Variants in DAPK2 observed in about 807,000 individuals in gnomAD.
DAPK2 encodes death-associated protein kinase 2.
In DAPK2, 35 loss-of-function variants were observed where a neutral mutation model predicts 44.1. The observed-to-expected ratio is 0.79, with a 90% CI of 0.61 to 1.05. The LOEUF (loss-of-function observed/expected upper bound fraction) is 1.05. Ranked by LOEUF, DAPK2 falls within the 50% of genes least tolerant of loss-of-function variation. The pLI is 0.00. For synonymous variants in DAPK2, 174 were observed against 182.6 expected (o/e 0.95, Z 0.38); for missense variants, 453 against 483.2 (o/e 0.94, Z 0.59).
chr15:64,006,066 A>C (rs1178733429), intron 1 of DAPK2, among the ~76,000 whole-genome samples: 1 of 149,890 alleles, frequency 6.7e-6, no homozygotes, highest in Non-Finnish European at 1.5e-5. Context: ...CCCACAAAAA[A>C]CCCTCTGCAA....
intron 3 of DAPK2, among the ~76,000 whole-genome samples, chr15:63,960,942 C>T (rs1246133794): frequency 4.6e-5 from 7 of 152,076 alleles, no homozygotes; most frequent in Admixed American, 2.6e-4. Context: ...ATGTTGACAG[C>T]GGGGTGTTAA....
intron 2 of DAPK2, among the ~76,000 whole-genome samples, chr15:63,977,887 C>T (rs2078397376): frequency 6.6e-6 from 1 of 152,216 alleles, no homozygotes; most frequent in Non-Finnish European, 1.5e-5. Context: ...CACCACAACC[C>T]TTCCACATTA....
chr15:64,007,927 C>G (rs899422005), intron 1 of DAPK2, among the ~76,000 whole-genome samples: 67 of 152,254 alleles, frequency 4.4e-4, no homozygotes, highest in African/African-American at 1.5e-3. Context: ...CACAAAGGAC[C>G]GCATGTTGTA....
chr15:64,005,165 G>T (rs1439046679), intron 1 of DAPK2, among the ~76,000 whole-genome samples: 1 of 152,032 alleles, frequency 6.6e-6, no homozygotes, highest in Non-Finnish European at 1.5e-5. Flanking sequence ...TCTTCTGAGT[G>T]AACCCAATAC....
intron 2 of DAPK2, among the ~76,000 whole-genome samples, chr15:63,982,476 C>T (rs1274143076): frequency 2.0e-5 from 3 of 150,508 alleles, no homozygotes; most frequent in African/African-American, 7.5e-5. Flanking sequence ...GCATGAGCCA[C>T]TGCACCAGGC....
intron 1 of DAPK2, among the ~76,000 whole-genome samples, chr15:64,026,958 T>C (rs560358618): frequency 2.6e-5 from 4 of 152,290 alleles, no homozygotes; most frequent in African/African-American, 7.2e-5. Flanking sequence ...GAAAATATAA[T>C]GATGACTTAC....
upstream of DAPK2, chr15:64,040,390 G>T (rs545723424): frequency 9.7e-6 from 7 of 724,926 alleles, no homozygotes; most frequent in Non-Finnish European, 1.5e-5. Context: ...CACAGCCTTG[G>T]TTCTTCAAGA....
At chr15:63,933,478 G>A (rs1479688009) in intron 4 of DAPK2, among the ~76,000 whole-genome samples, 5 of 152,080 alleles carry the variant, frequency 3.3e-5, no homozygotes, top group Non-Finnish European at 7.3e-5. Context: ...CCTGACCTCA[G>A]GTGATCCACG....
At chr15:64,019,373 T>C (rs891111812) in intron 1 of DAPK2, among the ~76,000 whole-genome samples, 2 of 152,256 alleles carry the variant, frequency 1.3e-5, no homozygotes, top group African/African-American at 4.8e-5. Context: ...TCAGGATTTA[T>C]TCGGAAGAGT....
chr15:63,948,033 C>T (rs28621460), intron 3 of DAPK2, among the ~76,000 whole-genome samples: 46,075 of 151,812 alleles, frequency 0.3, 7,676 homozygotes, highest in Non-Finnish European at 0.36. Flanking sequence ...TTTGGGAGGC[C>T]GAGGTGGGCA....
At chr15:64,028,030 G>C (rs1468878790) in intron 1 of DAPK2, among the ~76,000 whole-genome samples, 2 of 94,188 alleles carry the variant, frequency 2.1e-5, no homozygotes, top group African/African-American at 6.6e-5. Flanking sequence ...TACATAAACT[G>C]TATCTATCTA....
chr15:63,998,743 T>A (rs1392952557), intron 1 of DAPK2, among the ~76,000 whole-genome samples: 1 of 152,226 alleles, frequency 6.6e-6, no homozygotes, highest in Non-Finnish European at 1.5e-5. Flanking sequence ...TGCACTGTTC[T>A]GTCTACTTCC....
upstream of DAPK2, among the ~76,000 whole-genome samples, chr15:64,042,870 CTG>C (rs1265634564): frequency 1.3e-5 from 2 of 152,232 alleles, no homozygotes; most frequent in African/African-American, 4.8e-5. This position sits in a 1 kb window ranked among gnomAD's most constrained non-coding sequence, Gnocchi z 4.7. Context: ...GCTACCGTCT[CTG>C]TGCGGCTCCA....
chr15:63,909,167 G>A (rs961250814), intron 10 of DAPK2: 1 of 152,188 alleles, frequency 6.6e-6, no homozygotes, highest in African/African-American at 2.4e-5. Context: ...CCAGAGCTGA[G>A]GCAGCCACCC....
At position 63,923,433 on chromosome 15, in the gene DAPK2, G is replaced by A. The variant is rs1040361675; in HGVS notation, c.858+1383C>T. The A allele has an allele frequency of 2.0e-5, 29 of 1,473,300 alleles. No individual in the cohort carries two copies. Among genetic ancestry groups the A allele is most frequent in the South Asian group, 2.7e-5 (2 of 73,504 alleles). The allele number at this position is 1,473,300 out of a possible 1,614,324, so 91.3% of individuals were successfully genotyped here. ...AAGGGTAGGCAGAAGGCACACAAGC[G>A]GCCTCTGGCATTCACTGCATGCGTC... On this transcript the variant is annotated intron_variant, in intron 8 of 10. Transcript: ENST00000261891. The surrounding 1 kb of genome is among the most constrained non-coding windows in gnomAD (Gnocchi z 4.2).
chr15:64,033,286 GGGGAAGGAAGGAAGGAAGGAAGGA>G (rs2080076959), intron 1 of DAPK2, among the ~76,000 whole-genome samples: 1 of 97,838 alleles, frequency 1.0e-5, no homozygotes, highest in South Asian at 4.7e-4. Context: ...AAGGGGGAAG[GGGGAAGGAAGGAAGGAAGGAAGGA>G]AGGAAGGAAG....
At chr15:63,975,349 A>G (rs1326861160) in intron 2 of DAPK2, among the ~76,000 whole-genome samples, 7 of 152,168 alleles carry the variant, frequency 4.6e-5, no homozygotes, top group African/African-American at 1.7e-4. Flanking sequence ...CAACATAATA[A>G]TAGCAATTAA....
At chr15:63,958,064 TGG>T (rs2077777033) in intron 3 of DAPK2, among the ~76,000 whole-genome samples, 1 of 152,222 alleles carries the variant, frequency 6.6e-6, no homozygotes, top group African/African-American at 2.4e-5. Context: ...TGGTGTGAGA[TGG>T]TATCTCATTG....
At chr15:64,022,564 C>A (rs2079716062) in intron 1 of DAPK2, among the ~76,000 whole-genome samples, 1 of 152,194 alleles carries the variant, frequency 6.6e-6, no homozygotes, top group African/African-American at 2.4e-5. Flanking sequence ...AACCTGTAAT[C>A]TCAGCACTTT....
Sources: gnomAD v4.1 joint callset for allele counts (sites outside exome capture counted in the v4.1 genomes callset) on GRCh38, gnomAD v4.1.1 for gene constraint, Gnocchi (gnomAD v3.1) non-coding constraint, MANE v1.5 for transcripts, NCBI Gene and HGNC (gene_info 2026-07-23, HGNC 2026-07-21) for gene names.